Variants in ITGB2 observed in about 807,000 individuals in gnomAD.
ITGB2 encodes integrin beta-2.
In ITGB2, 56 loss-of-function variants were observed where a neutral mutation model predicts 86.8. The ratio of observed to expected loss-of-function variants is 0.65; its 90% CI spans 0.52 to 0.81. The LOEUF is 0.81. Among genes scored for constraint, ITGB2 ranks in the 30% least tolerant of loss-of-function variants. The pLI, the probability that ITGB2 is intolerant of heterozygous loss-of-function variation, is 0.00. For synonymous variants in ITGB2, 457 were observed against 450.4 expected (o/e 1.01, Z -0.19); for missense variants, 948 against 1,061.2 (o/e 0.89, Z 1.48).
chr21:44,900,298 G>A (rs753517310), intron 7 of ITGB2, 22 bp downstream of exon 7: 3 of 1,614,136 alleles, frequency 1.9e-6, no homozygotes, highest in African/African-American at 2.7e-5. Flanking sequence ...GCGGTGCCTG[G>A]GTGCCTGGGG....
rs780740229 is a variant in ITGB2 at position 44,886,437 on chromosome 21, G to A, written c.2248-7C>T. 1 of 1,614,044 alleles carries A rather than the reference G, an allele frequency of 6.2e-7. No individual in the cohort carries two copies. The highest frequency in any genetic ancestry group is 1.3e-5 in the African/African-American group (1 of 75,036). On this transcript the variant is annotated splice_region_variant and splice_polypyrimidine_tract_variant and intron_variant, in intron 15 of 15. Coordinates refer to ENST00000652462, the MANE Select transcript of ITGB2 (RefSeq NM_000211.5). ...TCTTGAAAAGGGGATTATCCTGGTG[G>A]GAAATGCAAACAGGGGCTTGTGAGT...
At chr21:44,889,118 G>C in intron 13 of ITGB2, 158 bp downstream of exon 13, 1 of 739,976 alleles carries the variant, frequency 1.4e-6, no homozygotes, top group Non-Finnish European at 2.3e-6. Flanking sequence ...GGGACACAGG[G>C]GCACGGCGGC....
Position 44,893,480 on chromosome 21 carries a change from T to A in ITGB2, c.1148A>T (p.Asp383Val). Reference protein sequence around the residue: ...ALPDTLKVTYDSFCSNGVTHR... With the variant: ...ALPDTLKVTYVSFCSNGVTHR... ...CGTCACTCCATTGCTGCAGAAGGAGTCGTAGGTGACTTTCAGGGTGTCGGG... is the reference window on the plus strand; with the variant it reads ...CGTCACTCCATTGCTGCAGAAGGAGACGTAGGTGACTTTCAGGGTGTCGGG... Residue 383 changes from aspartate (D) to valine (V), a missense_variant, in exon 10 of 16, where the codon GAC (aspartate) becomes GTC (valine). Transcript: ENST00000652462. 6.2e-7 allele frequency: 1 copy of A among 1,613,290 alleles called. No homozygotes were observed. Among genetic ancestry groups the A allele is most frequent in the Non-Finnish European group, 8.5e-7 (1 of 1,179,792 alleles).
At chr21:44,900,284 C>CA in intron 7 of ITGB2, 36 bp downstream of exon 7, 1 of 1,613,938 alleles carries the variant, frequency 6.2e-7, no homozygotes, top group East Asian at 2.2e-5. Context: ...TGGTGTCCTG[C>CA]CAGGCGGTGC....
At chr21:44,924,992 T>C (rs1006145945), upstream of ITGB2, among the ~76,000 whole-genome samples, 2 of 152,138 alleles carry the variant, frequency 1.3e-5, no homozygotes, top group African/African-American at 4.8e-5. Flanking sequence ...CAAAGTTCTA[T>C]TGTAGAGTTT....
At chr21:44,912,072 G>C (rs1352711688) in intron 1 of ITGB2, among the ~76,000 whole-genome samples, 1 of 152,136 alleles carries the variant, frequency 6.6e-6, no homozygotes, top group Non-Finnish European at 1.5e-5. Flanking sequence ...CCGTTACCCT[G>C]GGGCTGTTGT....
chr21:44,925,423 G>T (rs1276137059), upstream of ITGB2, among the ~76,000 whole-genome samples: 3 of 40,424 alleles, frequency 7.4e-5, no homozygotes, highest in Non-Finnish European at 1.7e-4. Context: ...AGGGAGGGAG[G>T]GAAGGAAGGA....
chr21:44,917,005 C>G (rs2084222159), intron 1 of ITGB2, among the ~76,000 whole-genome samples: 1 of 152,128 alleles, frequency 6.6e-6, no homozygotes, highest in Non-Finnish European at 1.5e-5. Context: ...TAATCTTCAT[C>G]TCTAAAGAGA....
intron 3 of ITGB2, 46 bp from the exon 4 acceptor site, chr21:44,907,141 C>G (rs750771454): frequency 2.1e-6 from 3 of 1,451,514 alleles, no homozygotes; most frequent in Non-Finnish European, 1.9e-6. Flanking sequence ...CACTGCGGGA[C>G]CTGCAGGAGG....
chr21:44,902,299 CTG>C (rs1365018435), intron 5 of ITGB2, among the ~76,000 whole-genome samples: 1 of 152,174 alleles, frequency 6.6e-6, no homozygotes, highest in Non-Finnish European at 1.5e-5. Context: ...GTGTGTATGA[CTG>C]TGTGTGCATG....
chr21:44,891,272 G>GGT (rs1319958657), intron 11 of ITGB2, among the ~76,000 whole-genome samples: 1 of 152,136 alleles, frequency 6.6e-6, no homozygotes, highest in African/African-American at 2.4e-5. Context: ...CCTGGCAGGG[G>GGT]GTGTGCACGC....
chr21:44,906,580 G>A (rs2084045496), intron 4 of ITGB2, among the ~76,000 whole-genome samples: 1 of 152,132 alleles, frequency 6.6e-6, no homozygotes, highest in Non-Finnish European at 1.5e-5. Flanking sequence ...TCTTCTAAGA[G>A]TACCCTGGCC....
chr21:44,894,031 A>G, intron 9 of ITGB2: 1 of 256,934 alleles, frequency 3.9e-6, no homozygotes, highest in Non-Finnish European at 7.9e-6. Context: ...AGAAAGAGAG[A>G]CAAAGACTGA....
chr21:44,911,769 G>A (rs1050911856), intron 1 of ITGB2, among the ~76,000 whole-genome samples: 2 of 152,176 alleles, frequency 1.3e-5, no homozygotes, highest in African/African-American at 4.8e-5. Context: ...GCAAAATGAC[G>A]GAAGCAGGCC....
intron 14 of ITGB2, 107 bp downstream of exon 14, chr21:44,888,586 C>T: frequency 7.7e-7 from 1 of 1,295,496 alleles, no homozygotes; most frequent in Non-Finnish European, 1.1e-6. Flanking sequence ...CCCTGCTGGG[C>T]CCACAACACT....
At chr21:44,888,158 G>C (rs1157654308) in intron 14 of ITGB2, among the ~76,000 whole-genome samples, 1 of 152,198 alleles carries the variant, frequency 6.6e-6, no homozygotes, top group Non-Finnish European at 1.5e-5. Context: ...GACAGGGTCA[G>C]TGCCACCAAG....
chr21:44,896,518 C>T (rs2083873631), intron 8 of ITGB2, among the ~76,000 whole-genome samples: 1 of 152,224 alleles, frequency 6.6e-6, no homozygotes, highest in African/African-American at 2.4e-5. Flanking sequence ...CCGCCCAAAC[C>T]CTCCCATGAC....
At position 44,903,398 on chromosome 21, in the gene ITGB2, C is replaced by A; in HGVS notation, c.466G>T (p.Ala156Ser). 6.2e-7 allele frequency: 1 copy of A among 1,614,066 alleles called. No individual in the cohort carries two copies. The highest frequency in any genetic ancestry group is 8.5e-7 in the Non-Finnish European group (1 of 1,179,976). ...CCGGACTCGGTGATCTCGTTGAGGG[C>A]CCGGAGCAGGTCGCCACCTAGCTTC... ...VKKLGGDLLR[A>S]LNEITESGRI... The change falls in exon 5 of 16, where the codon GCC (alanine) becomes TCC (serine). Residue 156 changes from alanine to serine, a missense_variant. Coordinates refer to ENST00000652462, the MANE Select transcript of ITGB2 (RefSeq NM_000211.5).
rs1169916984 is a variant in ITGB2, at chr21:44,907,009, G to A, written c.234C>T (p.Ile78=). ...TTTCAGCGAGGCTTGTGGGGTCCAT[G>A]ATGTCGTCAGCCGCACAGCCCCTCA... ...LLMRGCAADD[I]MDPTSLAETQ... is the part of the protein sequence containing the mutation. Residue 78 remains isoleucine (I), a synonymous_variant, in exon 4 of 16, where the codon ATC becomes ATT. Transcript: ENST00000652462. The A allele has an allele frequency of 6.2e-7, 1 of 1,614,064 alleles. No homozygotes were observed. The highest frequency in any genetic ancestry group is 8.5e-7 in the Non-Finnish European group (1 of 1,180,022).
Sources: allele counts gnomAD v4.1 joint callset (sites outside exome capture counted in the v4.1 genomes callset), GRCh38; gene constraint gnomAD v4.1.1; transcripts MANE v1.5; gene names NCBI Gene and HGNC (gene_info 2026-07-23, HGNC 2026-07-21).